Variants in TRIM2 observed in about 807,000 individuals in gnomAD.
TRIM2 encodes the protein tripartite motif-containing protein 2.
In TRIM2, 20 loss-of-function variants were observed where a neutral mutation model predicts 75.2. The ratio of observed to expected loss-of-function variants is 0.27; its 90% confidence interval spans 0.19 to 0.39. The LOEUF is 0.39. TRIM2 is among the 10% of genes least tolerant of loss of function. The pLI is 1.00. For synonymous variants in TRIM2, 373 were observed against 388.3 expected, an observed-to-expected ratio of 0.96 and a Z score of 0.46; for missense variants, 660 against 990.8, an observed-to-expected ratio of 0.67 and a Z score of 4.48.
At position 153,295,939 on chromosome 4, in the gene TRIM2, C is replaced by T. The variant is rs750614661; in HGVS notation, c.1413C>T (p.Gly471=). ...VKRRVKSPGS[G]HVKQKAVKRP... ...GGCGCGTTAAGTCCCCGGGGAGCGG[C>T]CACGTCAAGCAGAAAGCTGTGAAAA... is the stretch of plus-strand genomic sequence containing the variant. The change falls in exon 6 of 12, where the codon GGC becomes GGT. Residue 471 remains glycine (G), a synonymous_variant. Coordinates refer to ENST00000338700, the MANE Select transcript of TRIM2 (RefSeq NM_015271.5). This position sits in a 1 kb window ranked among gnomAD's most constrained non-coding sequence, Gnocchi z 7.2. The T allele has an allele frequency of 6.3e-7, 1 of 1,591,312 alleles. No homozygotes were observed. Among genetic ancestry groups the T allele is most frequent in the South Asian group, 1.2e-5 (1 of 86,806 alleles).
upstream of TRIM2, among the ~76,000 whole-genome samples, chr4:153,202,878 G>C (rs533050091): frequency 1.6e-3 from 248 of 151,938 alleles, no homozygotes; most frequent in African/African-American, 5.9e-3. Context: ...AGGCCGAGGT[G>C]GGCAGATCAC....
chr4:153,203,617 C>T (rs1035256359), upstream of TRIM2, among the ~76,000 whole-genome samples: 21 of 151,082 alleles, frequency 1.4e-4, no homozygotes, highest in Admixed American at 9.2e-4. Context: ...GTAGACCAGG[C>T]GCAGTGGCAC....
intron 1 of TRIM2, among the ~76,000 whole-genome samples, chr4:153,209,801 T>C (rs1736454338): frequency 6.6e-6 from 1 of 152,230 alleles, no homozygotes; most frequent in Non-Finnish European, 1.5e-5. Flanking sequence ...AAACCTGGTC[T>C]GGCACTTTTC....
chr4:153,266,452 C>T (rs1755134030), intron 1 of TRIM2, among the ~76,000 whole-genome samples: 2 of 150,166 alleles, frequency 1.3e-5, no homozygotes, highest in African/African-American at 4.9e-5. Context: ...AAGCGATTCT[C>T]CTGCCACAGC....
At chr4:153,308,481 G>T in intron 6 of TRIM2, 1 of 772,204 alleles carries the variant, frequency 1.3e-6, no homozygotes, top group Non-Finnish European at 2.4e-6. Flanking sequence ...CACTATCTAG[G>T]TGGCCAGATA....
intron 1 of TRIM2, among the ~76,000 whole-genome samples, chr4:153,191,139 A>C (rs1733145925): frequency 6.6e-6 from 1 of 152,234 alleles, no homozygotes; most frequent in Non-Finnish European, 1.5e-5. Flanking sequence ...GCAGGAATAC[A>C]GATGATTAAA....
At chr4:153,206,102 A>G (rs913197026) in intron 1 of TRIM2, among the ~76,000 whole-genome samples, 3 of 152,210 alleles carry the variant, frequency 2.0e-5, no homozygotes, top group East Asian at 1.9e-4. Context: ...GGTCAGGTCA[A>G]TGCATTCTCA....
intron 1 of TRIM2, among the ~76,000 whole-genome samples, chr4:153,160,038 G>A (rs1017041087): frequency 6.6e-6 from 1 of 152,162 alleles, no homozygotes; most frequent in African/African-American, 2.4e-5. Context: ...GATGAGTAAT[G>A]TTTCCATTGT....
intron 1 of TRIM2, among the ~76,000 whole-genome samples, chr4:153,193,400 G>A (rs145950640): frequency 4.6e-5 from 7 of 152,082 alleles, no homozygotes; most frequent in Admixed American, 3.3e-4. Context: ...CAAAGTGCTG[G>A]GATTACAGGC....
At chr4:153,266,149 G>C (rs1220924345) in intron 1 of TRIM2, among the ~76,000 whole-genome samples, 3 of 152,054 alleles carry the variant, frequency 2.0e-5, no homozygotes, top group African/African-American at 7.2e-5. Flanking sequence ...GCTTCACAAG[G>C]TTCTATATGT....
At chr4:153,173,956 CTG>C (rs1439067511) in intron 1 of TRIM2, among the ~76,000 whole-genome samples, 10 of 151,942 alleles carry the variant, frequency 6.6e-5, no homozygotes, top group Admixed American at 3.3e-4. Context: ...CAAAGTGAGA[CTG>C]TCTCAAAATA....
chr4:153,180,631 C>A (rs938379384), intron 1 of TRIM2, among the ~76,000 whole-genome samples: 2 of 152,240 alleles, frequency 1.3e-5, no homozygotes, highest in African/African-American at 4.8e-5. Flanking sequence ...GCGTGTGCCA[C>A]CACGCTCAGC....
chr4:153,303,190 G>T (rs189185756), intron 6 of TRIM2, among the ~76,000 whole-genome samples: 1 of 152,070 alleles, frequency 6.6e-6, no homozygotes, highest in Non-Finnish European at 1.5e-5. Context: ...TTGGCTGGAC[G>T]CCGTGGCTTA....
intron 3 of TRIM2, among the ~76,000 whole-genome samples, chr4:153,292,063 C>G (rs1383027537): frequency 6.6e-6 from 1 of 152,140 alleles, no homozygotes; most frequent in Non-Finnish European, 1.5e-5. Flanking sequence ...GTCCAGGAAC[C>G]CTTGTGGGTC....
rs763185061 is a variant in TRIM2 at position 153,288,304 on chromosome 4, G to A, written c.454-4678G>A. ...ATACAAAAATTAGCCAGGGATGGTG[G>A]CGCGCACCTGTAATCCCAGCTACTC... On this transcript the variant is annotated intron_variant, in intron 3 of 11. Transcript: ENST00000338700. Among the ~76,000 whole-genome samples, 182 of 152,188 alleles carry A rather than the reference G, an allele frequency of 1.2e-3. 2 individuals carry two copies. Among genetic ancestry groups the A allele is most frequent in the Non-Finnish European group, 1.7e-3 (114 of 68,012 alleles).
intron 6 of TRIM2, among the ~76,000 whole-genome samples, chr4:153,307,593 G>A (rs759621336): frequency 5.9e-5 from 9 of 152,142 alleles, no homozygotes; most frequent in Non-Finnish European, 1.2e-4. Context: ...GGAGAGACTA[G>A]ACAGGAAAGC....
intron 1 of TRIM2, among the ~76,000 whole-genome samples, chr4:153,229,109 G>A (rs1325652695): frequency 6.6e-6 from 1 of 152,104 alleles, no homozygotes; most frequent in East Asian, 1.9e-4. Context: ...TACAGACCTT[G>A]GAGAAGAAAG....
At chr4:153,285,685 AT>A in intron 3 of TRIM2, among the ~76,000 whole-genome samples, 1 of 151,900 alleles carries the variant, frequency 6.6e-6, no homozygotes, top group Non-Finnish European at 1.5e-5. Context: ...GATACAACTG[AT>A]TTTTGTTTGT....
intron 1 of TRIM2, among the ~76,000 whole-genome samples, chr4:153,192,821 C>CCATCCAGATCTTCT (rs1733349054): frequency 6.6e-6 from 1 of 152,042 alleles, no homozygotes; most frequent in African/African-American, 2.4e-5. Context: ...CTTGATGGGC[C>CCATCCAGATCTTCT]CATCCAGATC....
Sources: gnomAD v4.1 joint callset for allele counts (sites outside exome capture counted in the v4.1 genomes callset) on GRCh38, gnomAD v4.1.1 for gene constraint, Gnocchi (gnomAD v3.1) non-coding constraint, MANE v1.5 for transcripts, NCBI Gene and HGNC (gene_info 2026-07-23, HGNC 2026-07-21) for gene names.